Variants in PAPOLA observed in about 807,000 individuals in gnomAD.
PAPOLA encodes poly(A) polymerase alpha.
PAPOLA carries 15 observed loss-of-function variants against 100.6 expected under a neutral mutation model. The observed-to-expected ratio is 0.15, with a 90% confidence interval of 0.10 to 0.23. PAPOLA has a LOEUF of 0.23. PAPOLA is among the 10% of genes least tolerant of loss of function. The probability of loss-of-function intolerance (pLI) is 1.00; values close to 1 mark genes in which losing one functional copy is unlikely to be tolerated. For missense variants in PAPOLA, 533 were observed against 884.2 expected (o/e 0.60, Z 5.04); for synonymous variants, 293 against 300.0 (o/e 0.98, Z 0.24).
At chr14:96,508,831 C>T (rs1896907702) in intron 1 of PAPOLA, among the ~76,000 whole-genome samples, 1 of 152,164 alleles carries the variant, frequency 6.6e-6, no homozygotes, top group African/African-American at 2.4e-5. Flanking sequence ...ATTTACAAAG[C>T]AGCAACATTA....
intron 19 of PAPOLA, among the ~76,000 whole-genome samples, chr14:96,557,249 C>G (rs1901417541): frequency 1.3e-5 from 2 of 152,126 alleles, no homozygotes; most frequent in Non-Finnish European, 2.9e-5. Context: ...CAGAGTCTTG[C>G]TATGTTATCC....
At chr14:96,507,287 T>TTTTTTG (rs1896788972) in intron 1 of PAPOLA, among the ~76,000 whole-genome samples, 1 of 115,076 alleles carries the variant, frequency 8.7e-6, no homozygotes, top group African/African-American at 3.8e-5. Context: ...ATAGTTTTTT[T>TTTTTTG]TTTTTTTTTT....
chr14:96,517,790 A>G (rs1265769126), intron 1 of PAPOLA, among the ~76,000 whole-genome samples: 1 of 141,712 alleles, frequency 7.1e-6, no homozygotes, highest in Non-Finnish European at 1.5e-5. Context: ...CGCAACCTCC[A>G]CTTCCTGGGT....
At chr14:96,522,903 G>C (rs537679677) in intron 3 of PAPOLA, among the ~76,000 whole-genome samples, 1 of 152,224 alleles carries the variant, frequency 6.6e-6, no homozygotes, top group African/African-American at 2.4e-5. Context: ...ATAACTGAAA[G>C]GTTGAAAAGA....
Position 96,531,564 on chromosome 14 carries a change from A to G in PAPOLA, c.585A>G (p.Ile195Met). 6.2e-7 allele frequency: 1 copy of G among 1,606,374 alleles called. No homozygotes were observed. The highest frequency in any genetic ancestry group is 8.5e-7 in the Non-Finnish European group (1 of 1,174,802). ...ACAGTCTGCTAAAAAATTTAGATAT[A>G]AGATGTATAAGAAGTCTTAACGGTA... ...RDDSLLKNLD[I>M]RCIRSLNGCR... The change falls in exon 7 of 22, where the codon ATA becomes ATG. Residue 195 changes from isoleucine to methionine, a missense_variant. Transcript: ENST00000216277.
At chr14:96,532,935 T>G in intron 9 of PAPOLA, 1 of 1,100,212 alleles carries the variant, frequency 9.1e-7, no homozygotes, top group Non-Finnish European at 1.1e-6. Flanking sequence ...TATTGATAGG[T>G]TGGGAAATCA....
intron 21 of PAPOLA, 123 bp downstream of exon 21, chr14:96,563,016 C>T (rs1255336833): frequency 3.3e-6 from 2 of 608,188 alleles, no homozygotes; most frequent in Admixed American, 6.1e-5. Context: ...TAATTACTTG[C>T]TAGCCTATAA....
At chr14:96,550,717 A>G (rs758979307) in intron 16 of PAPOLA, among the ~76,000 whole-genome samples, 17 of 152,208 alleles carry the variant, frequency 1.1e-4, no homozygotes, top group Non-Finnish European at 2.5e-4. Flanking sequence ...ATATAGCTAC[A>G]GTATGATTAA....
chr14:96,555,129 T>C (rs1475497785), intron 17 of PAPOLA, among the ~76,000 whole-genome samples: 2 of 151,970 alleles, frequency 1.3e-5, no homozygotes, highest in Non-Finnish European at 2.9e-5. Context: ...CTGGATGGGC[T>C]TTTAGGGTTT....
chr14:96,511,444 T>C (rs1176372894), intron 1 of PAPOLA, among the ~76,000 whole-genome samples: 1 of 152,212 alleles, frequency 6.6e-6, no homozygotes, highest in African/African-American at 2.4e-5. Flanking sequence ...ATTAACTATT[T>C]AAGGAAAACA....
chr14:96,517,998 T>C (rs1897611077), intron 1 of PAPOLA, among the ~76,000 whole-genome samples: 1 of 152,064 alleles, frequency 6.6e-6, no homozygotes, highest in African/African-American at 2.4e-5. Context: ...GACACCATGC[T>C]TGGGCCAGTC....
chr14:96,560,643 AAAC>A lies in PAPOLA; in HGVS notation c.2005-4_2005-2del. ...TAGAGAATAAAGCTTTTTTTTTTAA[AAAC>A]AGGATGAAACAAGTGAAGATGCTAA... On this transcript the variant is annotated splice_polypyrimidine_tract_variant and splice_region_variant and intron_variant, in intron 19 of 21. Coordinates refer to ENST00000216277, the MANE Select transcript of PAPOLA (RefSeq NM_032632.5). 6.3e-7 allele frequency: 1 copy of A among 1,593,258 alleles called. No homozygotes were observed. Among genetic ancestry groups the A allele is most frequent in the South Asian group, 1.1e-5 (1 of 88,340 alleles).
At chr14:96,564,349 G>GT (rs1225767289) in intron 21 of PAPOLA, among the ~76,000 whole-genome samples, 20 of 152,144 alleles carry the variant, frequency 1.3e-4, no homozygotes, top group African/African-American at 4.6e-4. Context: ...TCTACTTTGT[G>GT]TATGTTTGGA....
intron 13 of PAPOLA, 46 bp from the exon 14 acceptor site, chr14:96,542,728 T>C (rs1900092448): frequency 6.4e-7 from 1 of 1,557,764 alleles, no homozygotes; most frequent in Non-Finnish European, 8.6e-7. Flanking sequence ...TATTTATTTT[T>C]AAGTTAACCA....
chr14:96,537,181 A>G (rs933715524), intron 12 of PAPOLA, 121 bp downstream of exon 12: 7 of 672,960 alleles, frequency 1.0e-5, no homozygotes, highest in East Asian at 5.5e-5. Flanking sequence ...TCCTGTCACA[A>G]GGACATACTG....
At chr14:96,514,414 G>A (rs1211180000) in intron 1 of PAPOLA, among the ~76,000 whole-genome samples, 1 of 151,296 alleles carries the variant, frequency 6.6e-6, no homozygotes, top group African/African-American at 2.4e-5. Flanking sequence ...ATCTCCTGAC[G>A]TCGTGATCCG....
In PAPOLA at chr14:96,507,286, T is replaced by TG. The variant is rs1566829519; in HGVS notation, c.8+4686_8+4687insG. Among the ~76,000 whole-genome samples, 275 of 117,812 alleles carry TG rather than the reference T, an allele frequency of 2.3e-3. 3 individuals are homozygous for TG. Among genetic ancestry groups the TG allele is most frequent in the African/African-American group, 9.0e-3 (263 of 29,122 alleles). The allele number at this position is 117,812 out of a possible 152,430, so 77.3% of individuals were successfully genotyped here. On this transcript the variant is annotated intron_variant, in intron 1 of 21. Coordinates refer to ENST00000216277, the MANE Select transcript of PAPOLA (RefSeq NM_032632.5). ...TTTTTTGTTTTGGAAAATAGTTTTT[T>TG]TTTTTTTTTTTTTTTTTTTGAGACG...
intron 16 of PAPOLA, among the ~76,000 whole-genome samples, chr14:96,552,230 A>G (rs757600075): frequency 2.0e-5 from 3 of 152,180 alleles, no homozygotes; most frequent in Non-Finnish European, 4.4e-5. Context: ...CAGTATGTAC[A>G]TTTAATACGG....
chr14:96,537,106 G>C (rs1225794179), intron 12 of PAPOLA, 46 bp downstream of exon 12: 1 of 978,192 alleles, frequency 1.0e-6, no homozygotes, highest in Middle Eastern at 2.1e-4. Context: ...CTTAAGTAAT[G>C]GTTTAATGGT....
Sources: allele counts gnomAD v4.1 joint callset (sites outside exome capture counted in the v4.1 genomes callset), GRCh38; gene constraint gnomAD v4.1.1; transcripts MANE v1.5; gene names NCBI Gene and HGNC (gene_info 2026-07-23, HGNC 2026-07-21).